The following ARSG variants were observed in gnomAD, a reference collection of about 807,000 sequenced individuals.
The protein encoded by ARSG is ASG.
A neutral mutation model predicts 50.5 loss-of-function variants in ARSG; 37 were observed. The ratio of observed to expected loss-of-function variants is 0.73; its 90% confidence interval spans 0.56 to 0.96. The LOEUF is 0.96. Among genes scored for constraint, ARSG ranks in the 50% least tolerant of loss-of-function variants. ARSG has a pLI of 0.00. For synonymous variants in ARSG, 225 were observed against 254.6 expected (o/e 0.88, Z 1.11); for missense variants, 629 against 675.3 (o/e 0.93, Z 0.76).
the ARSG span, among the ~76,000 whole-genome samples, chr17:68,447,866 G>T: frequency 6.6e-6 from 1 of 151,538 alleles, no homozygotes; most frequent in Admixed American, 6.6e-5. Flanking sequence ...GGTGGCAGGT[G>T]CTTGTAGTCC....
chr17:68,301,634 A>G (rs2076421629), intron 1 of ARSG, among the ~76,000 whole-genome samples: 1 of 152,218 alleles, frequency 6.6e-6, no homozygotes, highest in Admixed American at 6.5e-5. Context: ...TCAACAGGGC[A>G]GGGATTCTGT....
chr17:68,449,070 A>C, the ARSG span, among the ~76,000 whole-genome samples: 13 of 152,314 alleles, frequency 8.5e-5, no homozygotes. Flanking sequence ...AAAAGCATTT[A>C]TTTGTCTCAT....
At chr17:68,343,843 T>C (rs1217099103) in intron 3 of ARSG, 52 bp downstream of exon 3, 3 of 1,536,180 alleles carry the variant, frequency 2.0e-6, no homozygotes, top group African/African-American at 2.7e-5. Flanking sequence ...GCAGCCGCCT[T>C]GTGTTTGCAA....
the ARSG span, chr17:68,441,168 C>T: frequency 2.6e-5 from 4 of 152,182 alleles, no homozygotes; most frequent in Admixed American, 1.3e-4. Context: ...CTTGACTGCT[C>T]AGAGCAGACT....
rs1423563519 is a variant in ARSG, at chr17:68,378,222, CAA to C, written c.983-6841_983-6840del. The stretch of plus-strand genomic sequence containing the variant: ...CGGCTCACTGTACAGGGGCCAGACT[CAA>C]GAGCAGATGAAAGAGAGAAGGCGGT... On this transcript the variant is annotated intron_variant, in intron 8 of 11. Transcript: ENST00000621439. This position sits in a 1 kb window ranked among gnomAD's most constrained non-coding sequence, Gnocchi z 4.4. 6.6e-6 allele frequency among the ~76,000 whole-genome samples: 1 copy of C among 152,188 alleles called. No homozygotes were observed. The highest frequency in any genetic ancestry group is 1.5e-5 in the Non-Finnish European group (1 of 68,032).
At chr17:68,393,057 AC>A (rs2081071382) in intron 9 of ARSG, among the ~76,000 whole-genome samples, 2 of 152,160 alleles carry the variant, frequency 1.3e-5, no homozygotes, top group African/African-American at 4.8e-5. Context: ...AATCATTAAG[AC>A]ACAAACATCC....
chr17:68,373,233 ATT>A (rs35645634), intron 8 of ARSG, among the ~76,000 whole-genome samples: 138 of 135,962 alleles, frequency 1.0e-3, no homozygotes, highest in South Asian at 9.4e-4. Context: ...TTATTTTTCA[ATT>A]TTTTTTTTTT....
chr17:68,356,680 G>T lies in ARSG; in HGVS notation c.580G>T (p.Asp194Tyr). The T allele has an allele frequency of 6.2e-7, 1 of 1,614,198 alleles. No homozygotes were observed. The highest frequency in any genetic ancestry group is 8.5e-7 in the Non-Finnish European group (1 of 1,180,030). Residue 194 changes from aspartate (D) to tyrosine (Y), a missense_variant, in exon 6 of 12, where the codon GAC (aspartate) becomes TAC (tyrosine). By Grantham distance (160) the Asp-to-Tyr change is radical. Coordinates refer to ENST00000621439, the MANE Select transcript of ARSG (RefSeq NM_001267727.2). ...GTTTCCACACAGGAACCTTCAAAGA[G>T]ACTGTTACACTGACGTGGCCCTCCC... is the stretch of plus-strand genomic sequence containing the variant. ...GDGPSRNLQR[D>Y]CYTDVALPLY...
At chr17:68,439,280 A>G in the ARSG span, among the ~76,000 whole-genome samples, 2 of 152,242 alleles carry the variant, frequency 1.3e-5, no homozygotes, top group African/African-American at 4.8e-5. Flanking sequence ...TATTTTTATA[A>G]TAGAATATTA....
At chr17:68,385,571 G>A (rs956855211) in intron 9 of ARSG, among the ~76,000 whole-genome samples, 6 of 131,136 alleles carry the variant, frequency 4.6e-5, no homozygotes, top group African/African-American at 1.4e-4. Context: ...GGGAGGGGAG[G>A]GGAGAGGAGG....
At chr17:68,414,225 A>G (rs1211417665) in intron 11 of ARSG, 1 of 152,198 alleles carries the variant, frequency 6.6e-6, no homozygotes, top group African/African-American at 2.4e-5. Flanking sequence ...TTAATCATAA[A>G]GCGATGCTGG....
At chr17:68,356,898 A>G in intron 6 of ARSG, 94 bp downstream of exon 6, 4 of 1,510,672 alleles carry the variant, frequency 2.6e-6, no homozygotes, top group Non-Finnish European at 3.6e-6. Flanking sequence ...GCTTGAGGCC[A>G]TGGCAGAGTT....
intron 11 of ARSG, among the ~76,000 whole-genome samples, chr17:68,406,052 C>T (rs2081699933): frequency 6.6e-6 from 1 of 152,114 alleles, no homozygotes; most frequent in Non-Finnish European, 1.5e-5. Context: ...CCCACTTTAC[C>T]CCCAAGTCCC....
intron 6 of ARSG, among the ~76,000 whole-genome samples, chr17:68,362,109 T>A (rs1433878008): frequency 3.9e-5 from 6 of 152,062 alleles, no homozygotes; most frequent in African/African-American, 7.2e-5. Context: ...ATGAAAGACA[T>A]GTTCCAGCCT....
At chr17:68,427,624 T>C (rs1372848875), downstream of ARSG, 1 of 182,180 alleles carries the variant, frequency 5.5e-6, no homozygotes, top group East Asian at 1.7e-4. Flanking sequence ...TGGGTTTAAA[T>C]TGTAGACCTA....
At chr17:68,304,576 T>G (rs1381863840) in intron 1 of ARSG, among the ~76,000 whole-genome samples, 5 of 152,352 alleles carry the variant, frequency 3.3e-5, no homozygotes, top group Admixed American at 3.3e-4. Context: ...CTTGCAAGGA[T>G]GTACAACTGG....
chr17:68,448,371 A>G, the ARSG span: 1 of 152,228 alleles, frequency 6.6e-6, no homozygotes, highest in African/African-American at 2.4e-5. Flanking sequence ...TATTGGTTCC[A>G]ATGAACCGAT....
At chr17:68,272,800 C>A in intron 1 of ARSG, 2 of 1,611,930 alleles carry the variant, frequency 1.2e-6, no homozygotes, top group Admixed American at 1.7e-5. Flanking sequence ...GCCAATGAGA[C>A]CCACATACTG....
chr17:68,306,300 C>G (rs868914445), intron 1 of ARSG, among the ~76,000 whole-genome samples: 7 of 151,956 alleles, frequency 4.6e-5, no homozygotes, highest in Non-Finnish European at 8.8e-5. Flanking sequence ...CCGCTCCCTG[C>G]GAGAATTTCT....
Sources: allele counts gnomAD v4.1 joint callset (sites outside exome capture counted in the v4.1 genomes callset), GRCh38; gene constraint gnomAD v4.1.1; non-coding constraint Gnocchi (gnomAD v3.1); transcripts MANE v1.5; gene names NCBI Gene and HGNC (gene_info 2026-07-23, HGNC 2026-07-21).